The following TMEM131L variants were observed in gnomAD, a reference collection of about 807,000 sequenced individuals.
The protein encoded by TMEM131L is transmembrane protein 131-like.
Under a neutral mutation model 192.2 loss-of-function variants are expected in TMEM131L, and 54 were observed. That is an observed-to-expected ratio of 0.28 (90% confidence interval 0.23 to 0.35). The LOEUF is 0.35. Ranked by LOEUF, TMEM131L falls within the 10% of genes least tolerant of loss-of-function variation. TMEM131L has a pLI of 1.00. For missense variants in TMEM131L, 1,888 were observed against 1,972.9 expected (o/e 0.96, Z 0.82); for synonymous variants, 701 against 704.9 (o/e 0.99, Z 0.09).
intron 3 of TMEM131L, among the ~76,000 whole-genome samples, chr4:153,526,104 A>G (rs557489987): frequency 8.0e-5 from 12 of 150,678 alleles, no homozygotes; most frequent in African/African-American, 2.9e-4. Flanking sequence ...TGATCCGCCC[A>G]CCTCGGTCTC....
chr4:153,555,575 T>C lies in TMEM131L; in HGVS notation c.309-212T>C, dbSNP rs1407295792. Among the ~76,000 whole-genome samples the C allele has an allele frequency of 6.6e-6, 1 of 152,226 alleles. No homozygotes were observed. The highest frequency in any genetic ancestry group is 1.5e-5 in the Non-Finnish European group (1 of 68,028). On this transcript the variant is annotated intron_variant, in intron 4 of 34. Coordinates refer to ENST00000409959, the MANE Select transcript of TMEM131L (RefSeq NM_001131007.2). This position sits in a 1 kb window ranked among gnomAD's most constrained non-coding sequence, Gnocchi z 4.1. Reference sequence around the variant, plus strand: ...CTACTGTGGGTTGGCCTAAGCCTTATAAAATAAAGTTGTTTTTTGTTTTAT... The same window carrying C: ...CTACTGTGGGTTGGCCTAAGCCTTACAAAATAAAGTTGTTTTTTGTTTTAT...
chr4:153,480,094 C>T (rs931246817), intron 3 of TMEM131L, among the ~76,000 whole-genome samples: 1 of 152,184 alleles, frequency 6.6e-6, no homozygotes, highest in Non-Finnish European at 1.5e-5. Flanking sequence ...AATCCCAGCA[C>T]TTTGGGAGGC....
chr4:153,618,716 A>T (rs1455565006), intron 26 of TMEM131L, among the ~76,000 whole-genome samples: 1 of 152,082 alleles, frequency 6.6e-6, no homozygotes, highest in East Asian at 1.9e-4. Context: ...TATACTCCTA[A>T]TTGCAGCTCC....
In TMEM131L at chr4:153,550,124, T is replaced by G. The variant is rs1379006295; in HGVS notation, c.291T>G (p.Val97=). 6.8e-7 allele frequency: 1 copy of G among 1,467,006 alleles called. No individual in the cohort carries two copies. The highest frequency in any genetic ancestry group is 2.2e-5 in the Admixed American group (1 of 45,118). The allele number at this position is 1,467,006 out of a possible 1,614,324, so 90.9% of individuals were successfully genotyped here. A position where few individuals can be genotyped will look rare whatever the true frequency, so the allele number is the denominator to read the frequency against. Reference sequence around the variant, plus strand: ...AAGGCTTACATTTTCAGCCATCAGTTTTAGATTTTGGAATACAGTAAGTAT... The same window carrying G: ...AAGGCTTACATTTTCAGCCATCAGTGTTAGATTTTGGAATACAGTAAGTAT... The part of the protein sequence containing the change: ...SGKGLHFQPS[V]LDFGIQFLGH... Residue 97 remains valine, a synonymous_variant, in exon 4 of 35, where the codon GTT becomes GTG. Transcript: ENST00000409959.
intron 3 of TMEM131L, among the ~76,000 whole-genome samples, chr4:153,534,105 A>T (rs994687848): frequency 1.2e-4 from 19 of 152,330 alleles, no homozygotes; most frequent in Non-Finnish European, 2.4e-4. Context: ...CTGAATTGTG[A>T]TTTTATAAAT....
chr4:153,512,414 A>AT (rs1734416892), intron 3 of TMEM131L, among the ~76,000 whole-genome samples: 1 of 152,062 alleles, frequency 6.6e-6, no homozygotes, highest in South Asian at 2.1e-4. Flanking sequence ...GCATTTATTT[A>AT]TTTTTTCCCC....
In TMEM131L at chr4:153,612,257, A is replaced by G. The variant is rs1732672261; in HGVS notation, c.3424A>G (p.Asn1142Asp). The stretch of plus-strand genomic sequence containing the variant: ...ATTGTTTTTGTTTATTAAAGGGAAT[A>G]ACCAGCAAGTACCTGTCAAGAATGA... ...PEISRKNNGN[N>D]QQVPVKNEVD... is the part of the protein sequence containing the mutation. The change falls in exon 26 of 35, where the codon AAC (asparagine) becomes GAC (aspartate). Residue 1142 changes from asparagine to aspartate, a missense_variant. Physicochemically the swap from Asn to Asp is conservative, Grantham distance 23. Coordinates refer to ENST00000409959, the MANE Select transcript of TMEM131L (RefSeq NM_001131007.2). 1.3e-6 allele frequency: 2 copies of G among 1,546,142 alleles called. No homozygotes were observed. Among genetic ancestry groups the G allele is most frequent in the Admixed American group, 2.2e-5 (1 of 45,380 alleles).
At chr4:153,616,395 C>G (rs965274438) in intron 26 of TMEM131L, among the ~76,000 whole-genome samples, 1 of 152,240 alleles carries the variant, frequency 6.6e-6, no homozygotes, top group Non-Finnish European at 1.5e-5. Flanking sequence ...AGTACATTCT[C>G]AAGTGCAGTG....
intron 15 of TMEM131L, among the ~76,000 whole-genome samples, chr4:153,588,449 G>GGT (rs2150807423): frequency 6.7e-6 from 1 of 149,360 alleles, no homozygotes; most frequent in South Asian, 2.1e-4. Context: ...TTATAAACAT[G>GGT]CATCTTCTCT....
intron 7 of TMEM131L, among the ~76,000 whole-genome samples, chr4:153,562,489 T>C (rs1281228726): frequency 6.6e-6 from 1 of 152,224 alleles, no homozygotes; most frequent in South Asian, 2.1e-4. Context: ...TTTCTTGTAT[T>C]TTAAGTGGCT....
chr4:153,576,656 TA>T (rs1729961934), intron 7 of TMEM131L, among the ~76,000 whole-genome samples: 1 of 150,520 alleles, frequency 6.6e-6, no homozygotes, highest in Non-Finnish European at 1.5e-5. Context: ...TTAACATAGT[TA>T]AATTGTTGTA....
chr4:153,479,610 C>G (rs975296635), intron 3 of TMEM131L, among the ~76,000 whole-genome samples: 1 of 152,100 alleles, frequency 6.6e-6, no homozygotes, highest in Non-Finnish European at 1.5e-5. Context: ...ATCATAAATA[C>G]TGTCTAGGTA....
intron 19 of TMEM131L, among the ~76,000 whole-genome samples, chr4:153,594,540 C>G (rs1001784217): frequency 4.6e-5 from 7 of 152,232 alleles, no homozygotes; most frequent in Non-Finnish European, 1.5e-5. Context: ...AGTGGAGCAT[C>G]TGTTGACAAA....
Position 153,555,702 on chromosome 4 carries a change from G to GTA in TMEM131L, c.309-76_309-75dup, listed in dbSNP as rs912416030. ...GCTTTCTGGGTTTAAAAATCTGTGT[G>GTA]TATATATATAATAATACATATATAT... On this transcript the variant is annotated intron_variant, in intron 4 of 34. Coordinates refer to ENST00000409959, the MANE Select transcript of TMEM131L (RefSeq NM_001131007.2). The surrounding 1 kb of genome is among the most constrained non-coding windows in gnomAD (Gnocchi z 4.1). The GTA allele has an allele frequency of 5.7e-4, 651 of 1,147,330 alleles. 1 individual carries two copies. Among genetic ancestry groups the GTA allele is most frequent in the Admixed American group, 2.0e-3 (73 of 36,862 alleles). 71.1% of individuals were successfully genotyped at this position (1,147,330 alleles called of 1,614,324 possible).
chr4:153,549,708 A>G (rs904912098), intron 3 of TMEM131L, among the ~76,000 whole-genome samples: 1 of 152,242 alleles, frequency 6.6e-6, no homozygotes, highest in African/African-American at 2.4e-5. Context: ...GTCAGAGGCC[A>G]CAGTCCCCCA....
At chr4:153,539,581 C>T (rs1421721830) in intron 3 of TMEM131L, among the ~76,000 whole-genome samples, 3 of 139,970 alleles carry the variant, frequency 2.1e-5, no homozygotes, top group South Asian at 2.2e-4. Context: ...AGAGATGGGA[C>T]TGGGCCCTGG....
intron 7 of TMEM131L, among the ~76,000 whole-genome samples, chr4:153,574,183 A>C (rs957248439): frequency 2.0e-5 from 3 of 152,344 alleles, no homozygotes; most frequent in Non-Finnish European, 1.5e-5. Context: ...ATCCATATGC[A>C]GTAGCCTCTT....
intron 3 of TMEM131L, among the ~76,000 whole-genome samples, chr4:153,489,795 C>A (rs945356490): frequency 1.3e-5 from 2 of 150,848 alleles, no homozygotes; most frequent in Non-Finnish European, 3.0e-5. Context: ...TTTTTTCTTG[C>A]GGAAAATAAG....
chr4:153,590,774 G>T (rs765160124), intron 16 of TMEM131L, among the ~76,000 whole-genome samples: 1 of 151,614 alleles, frequency 6.6e-6, no homozygotes, highest in Non-Finnish European at 1.5e-5. Flanking sequence ...ATGATAAATT[G>T]TTCCAAATTT....
Sources: allele counts gnomAD v4.1 joint callset (sites outside exome capture counted in the v4.1 genomes callset), GRCh38; gene constraint gnomAD v4.1.1; non-coding constraint Gnocchi (gnomAD v3.1); transcripts MANE v1.5; gene names NCBI Gene and HGNC (gene_info 2026-07-23, HGNC 2026-07-21).